The following PLCG2 variants were observed in gnomAD, a reference collection of about 807,000 sequenced individuals.
The protein encoded by PLCG2 is phospholipase C gamma 2.
PLCG2 carries 69 observed loss-of-function variants against 175.6 expected under a neutral mutation model. The observed-to-expected ratio is 0.39, with a 90% CI of 0.32 to 0.48. PLCG2 has a LOEUF of 0.48. Among genes scored for constraint, PLCG2 ranks in the 20% least tolerant of loss-of-function variants. The pLI is 0.91. For missense variants in PLCG2, 1,798 were observed against 1,650.9 expected (o/e 1.09, Z -1.54); for synonymous variants, 827 against 624.0 (o/e 1.33, Z -4.85).
At chr16:81,848,364 C>G (rs1047051787) in intron 2 of PLCG2, among the ~76,000 whole-genome samples, 1 of 152,124 alleles carries the variant, frequency 6.6e-6, no homozygotes, top group Non-Finnish European at 1.5e-5. Flanking sequence ...GCAGGGCTGG[C>G]TTCCAAAGGG....
At chr16:81,935,905 T>C (rs1910691123) in intron 26 of PLCG2, 2 of 984,984 alleles carry the variant, frequency 2.0e-6, no homozygotes, top group Non-Finnish European at 2.4e-6. Context: ...AGGATGGTGA[T>C]AGTTTAAAAA....
chr16:81,951,428 T>C lies in PLCG2; in HGVS notation c.3570+5165T>C, dbSNP rs564449451. 8.5e-5 allele frequency among the ~76,000 whole-genome samples: 13 copies of C among 152,210 alleles called. No homozygotes were observed. In the South Asian group the frequency reaches 1.0e-3, roughly 12 times the overall value. On this transcript the variant is annotated intron_variant, in intron 31 of 32. Coordinates refer to ENST00000564138, the MANE Select transcript of PLCG2 (RefSeq NM_002661.5). ...AGGCTAAAATTGTTCTGAAAAGCAG[T>C]AGAAAAGTTAAAACACCTATTAGAT...
intron 1 of PLCG2, among the ~76,000 whole-genome samples, chr16:81,743,018 T>A (rs1420306522): frequency 6.6e-6 from 1 of 152,224 alleles, no homozygotes; most frequent in Non-Finnish European, 1.5e-5. Flanking sequence ...AGAACCAGTC[T>A]AGCTGGGTTC....
intron 2 of PLCG2, among the ~76,000 whole-genome samples, chr16:81,818,552 G>T (rs1334895114): frequency 6.6e-6 from 1 of 152,042 alleles, no homozygotes. Context: ...AGCTCCGAAG[G>T]CCTGAGCTTC....
chr16:81,768,693 G>A (rs558944706), intron 2 of PLCG2, among the ~76,000 whole-genome samples: 3 of 151,212 alleles, frequency 2.0e-5, no homozygotes, highest in Non-Finnish European at 4.4e-5. Context: ...AGCCTTCCGA[G>A]TAGCTGGGAT....
chr16:81,746,509 C>G (rs1274003572), intron 1 of PLCG2, among the ~76,000 whole-genome samples: 11 of 152,300 alleles, frequency 7.2e-5, no homozygotes, highest in African/African-American at 2.4e-4. Context: ...GGGTGGGAAC[C>G]GCGGGGCTCT....
At chr16:81,859,826 G>A (rs534232842) in intron 5 of PLCG2, among the ~76,000 whole-genome samples, 27 of 152,292 alleles carry the variant, frequency 1.8e-4, no homozygotes, top group African/African-American at 5.3e-4. Flanking sequence ...ATGAGCCACC[G>A]CGCCCGGCCA....
chr16:81,751,392 A>G (rs1909809934), intron 1 of PLCG2, among the ~76,000 whole-genome samples: 1 of 152,236 alleles, frequency 6.6e-6, no homozygotes, highest in Non-Finnish European at 1.5e-5. Flanking sequence ...CAAGTGTCAC[A>G]TGTTCTCACT....
At chr16:81,787,989 G>C (rs916770128) in intron 2 of PLCG2, among the ~76,000 whole-genome samples, 4 of 152,100 alleles carry the variant, frequency 2.6e-5, no homozygotes, top group African/African-American at 4.8e-5. Context: ...TTGGGTTGTT[G>C]CCACCTTTTG....
chr16:81,903,546 G>C (rs60594160), intron 14 of PLCG2, among the ~76,000 whole-genome samples: 6,754 of 152,302 alleles, frequency 0.044, 451 homozygotes, highest in African/African-American at 0.15. Flanking sequence ...CAGCCACCTG[G>C]CTGGGGTCAC....
Position 81,958,098 on chromosome 16 carries a change from G to A in PLCG2, c.*100G>A. The A allele has an allele frequency of 1.2e-6, 1 of 833,726 alleles. No individual in the cohort carries two copies. Among genetic ancestry groups the A allele is most frequent in the Non-Finnish European group, 2.1e-6 (1 of 485,636 alleles). 51.6% of individuals were successfully genotyped at this position (833,726 alleles called of 1,614,324 possible). On this transcript the variant is annotated 3_prime_UTR_variant, in exon 33 of 33. Coordinates refer to ENST00000564138, the MANE Select transcript of PLCG2 (RefSeq NM_002661.5). ...ACACTCTGGGAAGACGCTAATCTGT[G>A]ACATCTTTTCTTCAAGCCTGCCATC...
intron 13 of PLCG2, 28 bp downstream of exon 13, chr16:81,895,955 G>C (rs780752003): frequency 6.2e-7 from 1 of 1,613,770 alleles, no homozygotes. Context: ...TGGGTGGTGT[G>C]ACTTAAAGGG....
chr16:81,882,310 G>A (rs1908123637), intron 8 of PLCG2, among the ~76,000 whole-genome samples: 2 of 152,082 alleles, frequency 1.3e-5, no homozygotes. Flanking sequence ...GTGTTCCCTA[G>A]TGTTCCCTAC....
intron 15 of PLCG2, chr16:81,906,496 C>G (rs1244144517): frequency 6.6e-6 from 1 of 152,184 alleles, no homozygotes; most frequent in African/African-American, 2.4e-5. Context: ...ACGATCTTAG[C>G]TCACCACAGA....
chr16:81,910,476 C>G, intron 17 of PLCG2, 44 bp from the exon 18 acceptor site: 1 of 1,582,334 alleles, frequency 6.3e-7, no homozygotes, highest in South Asian at 1.1e-5. Flanking sequence ...CCGCAATGGC[C>G]TGGCCTGCGT....
At chr16:81,781,861 C>T (rs115820215) in intron 1 of PLCG2, among the ~76,000 whole-genome samples, 1,680 of 30,834 alleles carry the variant, frequency 0.054, 38 homozygotes, top group African/African-American at 0.16. Flanking sequence ...CATTTCATGT[C>T]CTTTCCCCCC....
At chr16:81,748,566 A>G (rs1215033714) in intron 1 of PLCG2, among the ~76,000 whole-genome samples, 1 of 152,156 alleles carries the variant, frequency 6.6e-6, no homozygotes, top group Non-Finnish European at 1.5e-5. Flanking sequence ...CATTAGGGGT[A>G]AACAGGGGAC....
At chr16:81,935,666 G>T (rs1200191185) in intron 26 of PLCG2, 4 of 985,214 alleles carry the variant, frequency 4.1e-6, no homozygotes, top group Non-Finnish European at 3.6e-6. Context: ...ACCACAGCTG[G>T]ATGGGAGAGA....
intron 19 of PLCG2, 68 bp from the exon 20 acceptor site, chr16:81,919,416 G>C: frequency 1.6e-6 from 2 of 1,248,138 alleles, no homozygotes; most frequent in African/African-American, 2.9e-5. Flanking sequence ...CTAATCAGTA[G>C]GGTTTGTGTA....
Sources: gnomAD v4.1 joint callset for allele counts (sites outside exome capture counted in the v4.1 genomes callset) on GRCh38, gnomAD v4.1.1 for gene constraint, MANE v1.5 for transcripts, NCBI Gene and HGNC (gene_info 2026-07-23, HGNC 2026-07-21) for gene names.